UBE2S: variants seen among roughly 807,000 people sequenced by gnomAD.
UBE2S encodes the protein ubiquitin conjugating enzyme E2 S.
A neutral mutation model predicts 12.3 loss-of-function variants in UBE2S; 3 were observed. The observed-to-expected ratio is 0.24, with a 90% confidence interval of 0.11 to 0.63. The LOEUF (loss-of-function observed/expected upper bound fraction) is 0.63, where lower values mean the gene tolerates loss of function less well. Among genes scored for constraint, UBE2S ranks in the 30% least tolerant of loss-of-function variants. UBE2S has a pLI of 0.85. For synonymous variants in UBE2S, 133 were observed against 142.0 expected (o/e 0.94, Z 0.45); for missense variants, 211 against 313.9 (o/e 0.67, Z 2.48).
chr19:55,406,992 G>A (rs367694744), intron 1 of UBE2S, 30 bp from the exon 2 acceptor site: 8 of 1,608,658 alleles, frequency 5.0e-6, no homozygotes, highest in East Asian at 2.2e-5. Flanking sequence ...CAGGGTGAGC[G>A]AGTGTTAAGA....
chr19:55,401,443 C>T lies in UBE2S; in HGVS notation c.662G>A (p.Arg221Gln), dbSNP rs953632326. 2.5e-6 allele frequency: 4 copies of T among 1,601,936 alleles called. No homozygotes were observed. Among genetic ancestry groups the T allele is most frequent in the South Asian group, 1.1e-5 (1 of 90,824 alleles). ...KKTDKKRALR[R>Q]L ...AAGGAGGAAGAGAGCCCACTACAGC[C>T]GCCGCAGCGCCCGCTTCTTGTCCGT... The change falls in exon 4 of 4, where the codon CGG (arginine) becomes CAG (glutamine). Residue 221 changes from arginine (R) to glutamine (Q), a missense_variant. Around this residue, in one of 2 missense-constraint regions of UBE2S, gnomAD observed 84 missense variants for 89.9 expected, o/e 0.93. Coordinates refer to ENST00000264552, the MANE Select transcript of UBE2S (RefSeq NM_014501.3).
chr19:55,404,495 G>T lies in UBE2S; in HGVS notation c.152-17C>A. 1 of 1,590,212 alleles carries T rather than the reference G, an allele frequency of 6.3e-7. No homozygotes were observed. The highest frequency in any genetic ancestry group is 8.6e-7 in the Non-Finnish European group (1 of 1,167,186). ...GGGTCCCCTCTGGAGTGGAGGGAGG[G>T]GTACAGGGTCAGGGCACTCAGGAGT... On this transcript the variant is annotated splice_polypyrimidine_tract_variant and intron_variant, in intron 2 of 3. Coordinates refer to ENST00000264552, the MANE Select transcript of UBE2S (RefSeq NM_014501.3). This position sits in a 1 kb window ranked among gnomAD's most constrained non-coding sequence, Gnocchi z 4.4.
rs1051963246 is a variant in UBE2S at position 55,400,828 on chromosome 19, A to G, written c.*608T>C. ...CATGTGGGAACAGGCTTTGCTGCCC[A>G]CAAGGGAAAAACCAATCTTTAGCAC... On this transcript the variant is annotated 3_prime_UTR_variant, in exon 4 of 4. Coordinates refer to ENST00000264552, the MANE Select transcript of UBE2S (RefSeq NM_014501.3). The G allele has an allele frequency of 6.5e-6, 1 of 152,974 alleles. No individual in the cohort carries two copies. Among genetic ancestry groups the G allele is most frequent in the African/African-American group, 2.4e-5 (1 of 41,464 alleles). The allele number at this position is 152,974 out of a possible 1,614,324, so 9.5% of individuals were successfully genotyped here.
chr19:55,407,698 C>G lies in UBE2S; in HGVS notation c.-109G>C, dbSNP rs946280731. 1.1e-6 allele frequency: 1 copy of G among 884,320 alleles called. No homozygotes were observed. The allele number at this position is 884,320 out of a possible 1,614,324, so 54.8% of individuals were successfully genotyped here. On this transcript the variant is annotated 5_prime_UTR_variant, in exon 1 of 4. Coordinates refer to ENST00000264552, the MANE Select transcript of UBE2S (RefSeq NM_014501.3). ...TGCCGCTGCGGCCCTGGAGAGGCCC[C>G]GGCGGCCCCGCTCCGCTCCCCGCTG... is the stretch of plus-strand genomic sequence containing the variant.
intron 2 of UBE2S, 120 bp downstream of exon 2, chr19:55,406,695 A>G (rs1015795597): frequency 1.2e-5 from 15 of 1,300,176 alleles, no homozygotes; most frequent in Middle Eastern, 2.8e-4. Flanking sequence ...CTGTCCACCA[A>G]TGCATCCCAA....
intron 2 of UBE2S, among the ~76,000 whole-genome samples, chr19:55,406,137 G>A (rs529325705): frequency 6.6e-6 from 1 of 152,166 alleles, no homozygotes; most frequent in South Asian, 2.1e-4. Flanking sequence ...CCTGCCCAAG[G>A]GCCTTTCTGG....
At position 55,407,714 on chromosome 19, in the gene UBE2S, C is replaced by T. The variant is rs1365699616; in HGVS notation, c.-125G>A. The T allele has an allele frequency of 2.9e-6, 2 of 698,618 alleles. No individual in the cohort carries two copies. The highest frequency in any genetic ancestry group is 4.0e-6 in the Non-Finnish European group (2 of 502,760). 43.3% of individuals were successfully genotyped at this position (698,618 alleles called of 1,614,324 possible). On this transcript the variant is annotated 5_prime_UTR_variant, in exon 1 of 4. Coordinates refer to ENST00000264552, the MANE Select transcript of UBE2S (RefSeq NM_014501.3). ...GAGAGGCCCCGGCGGCCCCGCTCCG[C>T]TCCCCGCTGCCTCCGACGTCCGCCG... is the stretch of plus-strand genomic sequence containing the variant.
At chr19:55,407,174 G>A (rs2090101392) in intron 1 of UBE2S, among the ~76,000 whole-genome samples, 1 of 150,602 alleles carries the variant, frequency 6.6e-6, no homozygotes, top group Non-Finnish European at 1.5e-5. Context: ...GGGGCTTGCA[G>A]ATAACTCCAC....
intron 2 of UBE2S, 80 bp downstream of exon 2, chr19:55,406,735 T>C: frequency 6.6e-7 from 1 of 1,519,790 alleles, no homozygotes; most frequent in Non-Finnish European, 8.9e-7. Context: ...CTGTAATGGG[T>C]ACTTCCCGCT....
At chr19:55,402,510 C>T (rs779538524) in intron 3 of UBE2S, among the ~76,000 whole-genome samples, 13 of 152,224 alleles carry the variant, frequency 8.5e-5, no homozygotes, top group Non-Finnish European at 1.8e-4. Context: ...GCTGGATCCT[C>T]TGAAGTGGGT....
At chr19:55,402,474 C>T (rs2090067240) in intron 3 of UBE2S, among the ~76,000 whole-genome samples, 1 of 152,202 alleles carries the variant, frequency 6.6e-6, no homozygotes, top group Non-Finnish European at 1.5e-5. Context: ...GAGGTGTGAC[C>T]TGCAGCCAGG....
At chr19:55,401,887 C>T (rs1360860768) in intron 3 of UBE2S, 125 bp from the exon 4 acceptor site, 13 of 992,500 alleles carry the variant, frequency 1.3e-5, no homozygotes, top group South Asian at 3.0e-5. Context: ...GATCCAGGCC[C>T]CACCTATGCT....
Position 55,401,542 on chromosome 19 carries a change from G to A in UBE2S, c.563C>T (p.Pro188Leu), listed in dbSNP as rs201696148. 7,720 of 1,609,018 alleles carry A rather than the reference G, an allele frequency of 4.8e-3. 33 individuals are homozygous for A. The highest frequency in any genetic ancestry group is 5.1e-3 in the Non-Finnish European group (6,055 of 1,178,570). Reference protein sequence around the residue: ...SSTDPGAPGGPGGAEGPMAKK... With the variant: ...SSTDPGAPGGLGGAEGPMAKK... ...GGCCATGGGACCCTCAGCCCCTCCC[G>A]GGCCCCCTGGGGCCCCAGGGTCGGT... Residue 188 changes from proline to leucine, a missense_variant, in exon 4 of 4, where the codon CCG (proline) becomes CTG (leucine). Physicochemically the swap from Pro to Leu is moderately conservative, Grantham distance 98. This residue lies in a region of UBE2S where 84 missense variants were observed against 89.9 expected (regional missense o/e 0.93). Coordinates refer to ENST00000264552, the MANE Select transcript of UBE2S (RefSeq NM_014501.3).
In UBE2S at chr19:55,401,164, G is replaced by T. The variant is rs1569047684; in HGVS notation, c.*272C>A. The T allele has an allele frequency of 3.9e-6, 2 of 518,358 alleles. No individual in the cohort carries two copies. The highest frequency in any genetic ancestry group is 3.4e-5 in the East Asian group (1 of 29,530). The allele number at this position is 518,358 out of a possible 1,614,324, so 32.1% of individuals were successfully genotyped here. A position where few individuals can be genotyped will look rare whatever the true frequency, so the allele number is the denominator to read the frequency against. On this transcript the variant is annotated 3_prime_UTR_variant, in exon 4 of 4. Coordinates refer to ENST00000264552, the MANE Select transcript of UBE2S (RefSeq NM_014501.3). ...AACAGCAAGGCTGGTGAGCTAGATG[G>T]ACCCACTGCTGCAGTCCATGAGGCT...
At chr19:55,402,322 A>G (rs1845133875) in intron 3 of UBE2S, among the ~76,000 whole-genome samples, 1 of 152,228 alleles carries the variant, frequency 6.6e-6, no homozygotes, top group African/African-American at 2.4e-5. Context: ...TCCGAAGTTC[A>G]CAGCCTAAGA....
Position 55,407,747 on chromosome 19 carries a change from C to T in UBE2S, c.-158G>A, listed in dbSNP as rs1024899714. ...TGCCTCCGACGTCCGCCGCGCACAG[C>T]GTAGACCAACCCGCCGCCCCGGTGC... On this transcript the variant is annotated 5_prime_UTR_variant, in exon 1 of 4. Transcript: ENST00000264552. The T allele has an allele frequency of 6.4e-6, 3 of 470,070 alleles. No individual in the cohort carries two copies. The highest frequency in any genetic ancestry group is 9.8e-5 in the South Asian group (1 of 10,160). The allele number at this position is 470,070 out of a possible 1,614,324, so 29.1% of individuals were successfully genotyped here.
In UBE2S at chr19:55,407,598, C is replaced by T. The variant is rs1170768841; in HGVS notation, c.-9G>A. ...TCGCCCGTGCTCACCATGGCTGCGGCCGGCCGGGGGCGGGTCCCCCCGGCC... is the reference window on the plus strand; with the variant it reads ...TCGCCCGTGCTCACCATGGCTGCGGTCGGCCGGGGGCGGGTCCCCCCGGCC... On this transcript the variant is annotated 5_prime_UTR_variant, in exon 1 of 4. Transcript: ENST00000264552. 6 of 1,422,952 alleles carry T rather than the reference C, an allele frequency of 4.2e-6. No individual in the cohort carries two copies. The highest frequency in any genetic ancestry group is 4.6e-6 in the Non-Finnish European group (5 of 1,090,342). 88.1% of individuals were successfully genotyped at this position (1,422,952 alleles called of 1,614,324 possible).
chr19:55,402,227 G>A (rs2090065094), intron 3 of UBE2S, among the ~76,000 whole-genome samples: 1 of 152,218 alleles, frequency 6.6e-6, no homozygotes, highest in Non-Finnish European at 1.5e-5. Context: ...CAGGATTTGA[G>A]GAAATCACAC....
At chr19:55,406,745 T>A in intron 2 of UBE2S, 70 bp downstream of exon 2, 1 of 1,544,972 alleles carries the variant, frequency 6.5e-7, no homozygotes, top group Non-Finnish European at 8.8e-7. Flanking sequence ...TACTTCCCGC[T>A]AGGGTGATCT....
Sources: gnomAD v4.1 joint callset for allele counts (sites outside exome capture counted in the v4.1 genomes callset) on GRCh38, gnomAD v4.1.1 for gene constraint, gnomAD v4.1.1 regional missense constraint, Gnocchi (gnomAD v3.1) non-coding constraint, MANE v1.5 for transcripts, NCBI Gene and HGNC (gene_info 2026-07-23, HGNC 2026-07-21) for gene names.